The following TUSC3 variants were observed in gnomAD, a reference collection of about 807,000 sequenced individuals.
The protein encoded by TUSC3 is dolichyl-diphosphooligosaccharide--protein glycosyltransferase subunit TUSC3.
A neutral mutation model predicts 44.8 loss-of-function variants in TUSC3; 45 were observed. That is an observed-to-expected ratio of 1.00 (90% CI 0.79 to 1.29). The LOEUF is 1.29. Among genes scored for constraint, TUSC3 ranks in the 50% most tolerant of loss-of-function variants. The pLI, the probability that TUSC3 is intolerant of heterozygous loss-of-function variation, is 0.00. For missense variants in TUSC3, 519 were observed against 437.9 expected, an observed-to-expected ratio of 1.19 and a Z score of -1.65; for synonymous variants, 212 against 152.9, an observed-to-expected ratio of 1.39 and a Z score of -2.85.
chr8:15,492,721 G>C (rs898965682), intron 2 of TUSC3, among the ~76,000 whole-genome samples: 2 of 151,884 alleles, frequency 1.3e-5, no homozygotes, highest in East Asian at 1.9e-4. Context: ...AGGATAGCTT[G>C]AGCCCAGGAG....
intron 6 of TUSC3, among the ~76,000 whole-genome samples, chr8:15,674,999 C>T (rs956904041): frequency 2.0e-5 from 3 of 152,030 alleles, no homozygotes; most frequent in African/African-American, 7.2e-5. Flanking sequence ...CCTCCCTGGT[C>T]CCTATACTCT....
Position 15,442,937 on chromosome 8 carries a change from A to G in TUSC3, n.91+25632A>G, listed in dbSNP as rs556871506. Among the ~76,000 whole-genome samples the G allele has an allele frequency of 2.6e-5, 4 of 152,030 alleles. No homozygotes were observed. In the East Asian group the frequency reaches 7.8e-4, roughly 30 times the overall value. ...CCGACTCTTATTATCTAACTCCTCA[A>G]TCTGCCTTTAGTTGGTTAAGCTAGT... On this transcript the variant is annotated intron_variant and non_coding_transcript_variant, in intron 1 of 5. Transcript: ENST00000503191.
At chr8:15,759,611 C>T (rs777761598) in intron 10 of TUSC3, among the ~76,000 whole-genome samples, 1 of 152,052 alleles carries the variant, frequency 6.6e-6, no homozygotes, top group Non-Finnish European at 1.5e-5. Flanking sequence ...TGACCAAATC[C>T]AAAGTTCTCT....
At chr8:15,851,470 C>A in the TUSC3 span, among the ~76,000 whole-genome samples, 1 of 152,156 alleles carries the variant, frequency 6.6e-6, no homozygotes, top group Non-Finnish European at 1.5e-5. Context: ...ATTGTTTAAT[C>A]CTCACACATA....
At chr8:15,633,722 G>C (rs941910704) in intron 2 of TUSC3, among the ~76,000 whole-genome samples, 12 of 152,210 alleles carry the variant, frequency 7.9e-5, no homozygotes, top group Non-Finnish European at 1.5e-4. Context: ...ATCATCAGAA[G>C]CTAGGAAGAG....
chr8:15,527,513 G>A (rs11777420), intron 2 of TUSC3, among the ~76,000 whole-genome samples: 5,780 of 152,116 alleles, frequency 0.038, 131 homozygotes, highest in East Asian at 0.085. Flanking sequence ...CACTGTGCCC[G>A]GCCTTGAATA....
chr8:15,531,513 A>G (rs528355426), intron 2 of TUSC3, among the ~76,000 whole-genome samples: 67 of 152,264 alleles, frequency 4.4e-4, no homozygotes, highest in Non-Finnish European at 7.4e-4. Flanking sequence ...CGGCCTCCCA[A>G]AGTGCTGGGA....
chr8:15,742,785 C>G (rs1811249921), intron 7 of TUSC3, among the ~76,000 whole-genome samples: 1 of 152,266 alleles, frequency 6.6e-6, no homozygotes, highest in African/African-American at 2.4e-5. Flanking sequence ...TTGATGAGTT[C>G]TAAAATCTTA....
At chr8:15,447,519 C>T (rs946800666) in intron 1 of TUSC3, among the ~76,000 whole-genome samples, 1 of 152,026 alleles carries the variant, frequency 6.6e-6, no homozygotes, top group Non-Finnish European at 1.5e-5. Flanking sequence ...AATGGAAACA[C>T]TCAAAACCGA....
At position 15,650,115 on chromosome 8, in the gene TUSC3, T is replaced by G. The variant is rs1047350415; in HGVS notation, c.309-582T>G. Among the ~76,000 whole-genome samples the G allele has an allele frequency of 2.7e-4, 41 of 152,188 alleles. 1 individual carries two copies. Among genetic ancestry groups the G allele is most frequent in the Non-Finnish European group, 4.7e-4 (32 of 68,032 alleles). On this transcript the variant is annotated intron_variant, in intron 2 of 10. Coordinates refer to ENST00000503731, the MANE Select transcript of TUSC3 (RefSeq NM_006765.4). ...GAGAAGGAATGTTTGTGGCATCTGG[T>G]TTAGCTACAAAGAGAAATCTTTGCT... is the stretch of plus-strand genomic sequence containing the variant.
the TUSC3 span, among the ~76,000 whole-genome samples, chr8:15,816,732 A>G: frequency 6.6e-6 from 1 of 152,158 alleles, no homozygotes; most frequent in Admixed American, 6.5e-5. Flanking sequence ...TTTTCCAATA[A>G]CCAAACAGCC....
the TUSC3 span, among the ~76,000 whole-genome samples, chr8:15,812,405 G>A: frequency 1.1e-4 from 16 of 152,110 alleles, no homozygotes; most frequent in Non-Finnish European, 2.2e-4. Flanking sequence ...ATAATTTTGA[G>A]AAAATGGTTT....
At chr8:15,548,908 C>G (rs140925555) in intron 1 of TUSC3, among the ~76,000 whole-genome samples, 3 of 151,682 alleles carry the variant, frequency 2.0e-5, no homozygotes, top group African/African-American at 7.3e-5. Flanking sequence ...TCTCAGTGAT[C>G]ACTATTAAAA....
intron 1 of TUSC3, among the ~76,000 whole-genome samples, chr8:15,474,225 C>T (rs1432744395): frequency 2.0e-5 from 3 of 152,094 alleles, no homozygotes; most frequent in Non-Finnish European, 2.9e-5. Flanking sequence ...CCCTGAAAAT[C>T]GCTGTTATTC....
chr8:15,451,073 A>C (rs1181693542), intron 1 of TUSC3, among the ~76,000 whole-genome samples: 1 of 152,100 alleles, frequency 6.6e-6, no homozygotes, highest in Non-Finnish European at 1.5e-5. Flanking sequence ...TTCAAAATCT[A>C]ATCCATAATG....
intron 1 of TUSC3, among the ~76,000 whole-genome samples, chr8:15,601,786 C>T (rs1017725066): frequency 1.3e-5 from 2 of 151,486 alleles, no homozygotes; most frequent in African/African-American, 2.4e-5. Flanking sequence ...AAGAGCTTTC[C>T]TGAGTTTCTG....
intron 6 of TUSC3, among the ~76,000 whole-genome samples, chr8:15,709,580 C>T (rs1048975091): frequency 9.2e-5 from 14 of 151,630 alleles, no homozygotes; most frequent in Admixed American, 4.0e-4. Flanking sequence ...TCTAAGAGCA[C>T]GGGGAAAGCT....
chr8:15,521,753 G>A (rs1585074587), intron 2 of TUSC3, among the ~76,000 whole-genome samples: 1 of 152,258 alleles, frequency 6.6e-6, no homozygotes, highest in South Asian at 2.1e-4. Context: ...TATGAAATGT[G>A]TCTCAGAACT....
At chr8:15,546,505 G>C (rs57599744) in intron 1 of TUSC3, among the ~76,000 whole-genome samples, 3 of 151,440 alleles carry the variant, frequency 2.0e-5, no homozygotes, top group East Asian at 1.9e-4. Flanking sequence ...GAATATTAAG[G>C]CTTCAAAGAT....
Sources: allele counts gnomAD v4.1 joint callset (sites outside exome capture counted in the v4.1 genomes callset), GRCh38; gene constraint gnomAD v4.1.1; transcripts MANE v1.5; gene names NCBI Gene and HGNC (gene_info 2026-07-23, HGNC 2026-07-21).